The following ATXN10 variants were observed in gnomAD, a reference collection of about 807,000 sequenced individuals.
The protein encoded by ATXN10 is ataxin 10.
A neutral mutation model predicts 52.9 loss-of-function variants in ATXN10; 28 were observed. That is an observed-to-expected ratio of 0.53 (90% CI 0.39 to 0.73). ATXN10 has a LOEUF of 0.73. Among genes scored for constraint, ATXN10 ranks in the 30% least tolerant of loss-of-function variants. The pLI, the probability that ATXN10 is intolerant of heterozygous loss-of-function variation, is 0.00. For synonymous variants in ATXN10, 226 were observed against 221.5 expected, an observed-to-expected ratio of 1.02 and a Z score of -0.18; for missense variants, 565 against 577.0, an observed-to-expected ratio of 0.98 and a Z score of 0.21.
intron 1 of ATXN10, chr22:45,676,434 G>A (rs1257210522): frequency 6.6e-6 from 1 of 151,234 alleles, no homozygotes; most frequent in African/African-American, 2.4e-5. Flanking sequence ...TTGAAAATAA[G>A]TAAAATTAAT....
At chr22:45,748,986 A>C (rs1357400389) in intron 9 of ATXN10, among the ~76,000 whole-genome samples, 1 of 152,184 alleles carries the variant, frequency 6.6e-6, no homozygotes, top group Non-Finnish European at 1.5e-5. Flanking sequence ...GTCTTGTTCT[A>C]CAATAATTGA....
chr22:45,782,027 A>T (rs1450092394), intron 9 of ATXN10, among the ~76,000 whole-genome samples: 4 of 152,242 alleles, frequency 2.6e-5, no homozygotes, highest in Admixed American at 2.6e-4. Flanking sequence ...AATTTCCTCA[A>T]TTTGGCAAAA....
At position 45,781,689 on chromosome 22, in the gene ATXN10, A is replaced by C. The variant is rs185619798; in HGVS notation, c.1174-25270A>C. On this transcript the variant is annotated intron_variant, in intron 9 of 11. Transcript: ENST00000252934. This position sits in a 1 kb window ranked among gnomAD's most constrained non-coding sequence, Gnocchi z 4.2. ...AATAATCTGATGAGGATTTCAAAGC[A>C]TCCATCATAGAAATGCTTCTGTAAG... 2.6e-5 allele frequency among the ~76,000 whole-genome samples: 4 copies of C among 152,388 alleles called. No homozygotes were observed. Among genetic ancestry groups the C allele is most frequent in the Admixed American group, 1.3e-4 (2 of 15,310 alleles).
Position 45,784,012 on chromosome 22 carries a change from C to G in ATXN10, c.1174-22947C>G, listed in dbSNP as rs1927240751. 6.6e-6 allele frequency among the ~76,000 whole-genome samples: 1 copy of G among 152,182 alleles called. No individual in the cohort carries two copies. Among genetic ancestry groups the G allele is most frequent in the African/African-American group, 2.4e-5 (1 of 41,442 alleles). ...ACTGCTTTGCAGGCCGTCCCCTGTCCTACAGCAGGCCAGGTCTGTGTCACT... is the reference window on the plus strand; with the variant it reads ...ACTGCTTTGCAGGCCGTCCCCTGTCGTACAGCAGGCCAGGTCTGTGTCACT... On this transcript the variant is annotated intron_variant, in intron 9 of 11. Transcript: ENST00000252934. The surrounding 1 kb of genome is among the most constrained non-coding windows in gnomAD (Gnocchi z 4.2).
At chr22:45,778,778 A>AGAT (rs1927047523) in intron 9 of ATXN10, among the ~76,000 whole-genome samples, 1 of 152,338 alleles carries the variant, frequency 6.6e-6, no homozygotes, top group Admixed American at 6.5e-5. Flanking sequence ...CACATGGAAA[A>AGAT]GATGAGAATG....
chr22:45,782,766 TAAAG>T, intron 9 of ATXN10, among the ~76,000 whole-genome samples: 1 of 152,328 alleles, frequency 6.6e-6, no homozygotes, highest in African/African-American at 2.4e-5. Flanking sequence ...AATTAAATGT[TAAAG>T]AAATGTATAC....
chr22:45,714,963 C>T (rs1267383390), intron 5 of ATXN10, among the ~76,000 whole-genome samples: 3 of 152,122 alleles, frequency 2.0e-5, no homozygotes, highest in Non-Finnish European at 4.4e-5. Flanking sequence ...CCTGTCTTCC[C>T]TTCTCCTCCG....
chr22:45,694,961 A>C (rs552299264), intron 3 of ATXN10, among the ~76,000 whole-genome samples: 14 of 150,558 alleles, frequency 9.3e-5, no homozygotes, highest in Admixed American at 4.6e-4. Context: ...AAAAAAAAAA[A>C]AAAAACAAAA....
At chr22:45,709,152 GC>G (rs1305884989) in intron 5 of ATXN10, among the ~76,000 whole-genome samples, 1 of 152,116 alleles carries the variant, frequency 6.6e-6, no homozygotes, top group East Asian at 1.9e-4. Context: ...CCATCCTCTT[GC>G]AGTCTGAATC....
intron 9 of ATXN10, among the ~76,000 whole-genome samples, chr22:45,801,556 G>C (rs1233518279): frequency 1.3e-5 from 2 of 152,192 alleles, no homozygotes; most frequent in Non-Finnish European, 2.9e-5. Context: ...TGCTGTGTAA[G>C]GCTAAAGCCA....
chr22:45,704,200 A>G (rs1418984878), intron 5 of ATXN10: 2 of 148,132 alleles, frequency 1.4e-5, no homozygotes, highest in Non-Finnish European at 3.0e-5. Context: ...ATTTTATAGT[A>G]AATTTTGAAA....
chr22:45,790,558 T>G lies in ATXN10; in HGVS notation c.1174-16401T>G, dbSNP rs1927473209. ...AGATGGAGAAAGTCTTCATTTCTGC[T>G]TCAGCAGATTTCAGTTAGTCTCTGA... On this transcript the variant is annotated intron_variant, in intron 9 of 11. Coordinates refer to ENST00000252934, the MANE Select transcript of ATXN10 (RefSeq NM_013236.4). This position sits in a 1 kb window ranked among gnomAD's most constrained non-coding sequence, Gnocchi z 4.7. Among the ~76,000 whole-genome samples, 1 of 152,220 alleles carries G rather than the reference T, an allele frequency of 6.6e-6. No individual in the cohort carries two copies. Among genetic ancestry groups the G allele is most frequent in the Non-Finnish European group, 1.5e-5 (1 of 68,036 alleles).
At chr22:45,800,932 C>G (rs1927911331) in intron 9 of ATXN10, among the ~76,000 whole-genome samples, 1 of 152,162 alleles carries the variant, frequency 6.6e-6, no homozygotes, top group Admixed American at 6.5e-5. Context: ...GCGCAAGGAG[C>G]TTTTGGGGGT....
Position 45,843,009 on chromosome 22 carries a change from T to C in ATXN10, c.1256T>C (p.Ile419Thr), listed in dbSNP as rs928798268. Reference protein sequence around the residue: ...DSNPFLTQWVIYAIRNLTEDN... With the variant: ...DSNPFLTQWVTYAIRNLTEDN... ...GCTCCAGTTCTGACCCAGTGGGTGA[T>C]ATATGCCATCCGAAACCTTACCGAA... Residue 419 changes from isoleucine (I) to threonine (T), a missense_variant, in exon 11 of 12, where the codon ATA becomes ACA. Coordinates refer to ENST00000252934, the MANE Select transcript of ATXN10 (RefSeq NM_013236.4). This position sits in a 1 kb window ranked among gnomAD's most constrained non-coding sequence, Gnocchi z 4.5. 6.2e-7 allele frequency: 1 copy of C among 1,614,178 alleles called. No individual in the cohort carries two copies. Among genetic ancestry groups the C allele is most frequent in the Admixed American group, 1.7e-5 (1 of 60,026 alleles).
rs1927590139 is a variant in ATXN10 at position 45,793,473 on chromosome 22, T to C, written c.1174-13486T>C. Reference sequence around the variant, plus strand: ...GTCCACATCTTGAGGTCTTATTCCATTTAATAAATCTCTCACTGCTCCTTC... The same window carrying C: ...GTCCACATCTTGAGGTCTTATTCCACTTAATAAATCTCTCACTGCTCCTTC... On this transcript the variant is annotated intron_variant, in intron 9 of 11. Coordinates refer to ENST00000252934, the MANE Select transcript of ATXN10 (RefSeq NM_013236.4). 3 of 892,464 alleles carry C rather than the reference T, an allele frequency of 3.4e-6. No homozygotes were observed. The South Asian group carries it at 1.7e-4, about 50-fold the overall frequency. The allele number at this position is 892,464 out of a possible 1,614,324, so 55.3% of individuals were successfully genotyped here. A position where few individuals can be genotyped will look rare whatever the true frequency, so the allele number is the denominator to read the frequency against.
intron 3 of ATXN10, among the ~76,000 whole-genome samples, chr22:45,693,552 C>T (rs1923468814): frequency 1.3e-5 from 2 of 152,112 alleles, no homozygotes; most frequent in Admixed American, 6.5e-5. Flanking sequence ...GAGGGCTGCA[C>T]CATCATGACC....
intron 10 of ATXN10, among the ~76,000 whole-genome samples, chr22:45,831,577 G>A (rs1341916136): frequency 6.6e-6 from 1 of 152,118 alleles, no homozygotes; most frequent in East Asian, 1.9e-4. Flanking sequence ...CAGGCATTGT[G>A]ATCTTATTTC....
rs136026 is a variant in ATXN10 at position 45,833,839 on chromosome 22, C to T, written c.1238-9152C>T. On this transcript the variant is annotated intron_variant, in intron 10 of 11. Transcript: ENST00000252934. This position sits in a 1 kb window ranked among gnomAD's most constrained non-coding sequence, Gnocchi z 4.3. ...GAGGTCTCTCTGGATGGACTGGTCG[C>T]GAGAGCACACTTAGCAGCGATACGG... Among the ~76,000 whole-genome samples, 126,439 of 152,096 alleles carry T rather than the reference C, an allele frequency of 0.83. 52,661 individuals carry two copies. The highest frequency in any genetic ancestry group is 0.88 in the Middle Eastern group (259 of 294).
chr22:45,767,086 A>G (rs1386975182), intron 9 of ATXN10, among the ~76,000 whole-genome samples: 2 of 152,218 alleles, frequency 1.3e-5, no homozygotes, highest in Non-Finnish European at 2.9e-5. Flanking sequence ...ATTCATATGC[A>G]TTTGCTTTTT....
Sources: gnomAD v4.1 joint callset for allele counts (sites outside exome capture counted in the v4.1 genomes callset) on GRCh38, gnomAD v4.1.1 for gene constraint, Gnocchi (gnomAD v3.1) non-coding constraint, MANE v1.5 for transcripts, NCBI Gene and HGNC (gene_info 2026-07-23, HGNC 2026-07-21) for gene names.